The following PPFIA2 variants were observed in gnomAD, a reference collection of about 807,000 sequenced individuals.
PPFIA2 encodes liprin-alpha-2.
A neutral mutation model predicts 175.5 loss-of-function variants in PPFIA2; 46 were observed. The observed-to-expected ratio is 0.26, with a 90% CI of 0.21 to 0.34. The LOEUF (loss-of-function observed/expected upper bound fraction) is 0.34. PPFIA2 is among the 10% of genes least tolerant of loss of function. PPFIA2 has a pLI of 1.00. For missense variants in PPFIA2, 1,179 were observed against 1,506.1 expected, an observed-to-expected ratio of 0.78 and a Z score of 3.60; for synonymous variants, 568 against 511.4, an observed-to-expected ratio of 1.11 and a Z score of -1.49.
rs1448271108 is a variant in PPFIA2 at position 81,353,324 on chromosome 12, C to A, written c.1789G>T (p.Asp597Tyr). ...RDEPKVKSLG[D>Y]HEWNRTQQIG... ...TGTTGAGTTCTATTCCACTCGTGAT[C>A]CCCAAGAGATTTCACCTGAATGGTG... The change falls in exon 17 of 33, where the codon GAT (aspartate) becomes TAT (tyrosine). Residue 597 changes from aspartate (D) to tyrosine (Y), a missense_variant. By Grantham distance (160) the Asp-to-Tyr change is radical. Transcript: ENST00000549396. The A allele has an allele frequency of 6.2e-6, 10 of 1,612,544 alleles. No individual in the cohort carries two copies. Among genetic ancestry groups the A allele is most frequent in the Non-Finnish European group, 7.6e-6 (9 of 1,178,928 alleles).
chr12:81,357,053 T>A (rs1196530321), intron 16 of PPFIA2, among the ~76,000 whole-genome samples: 1 of 152,128 alleles, frequency 6.6e-6, no homozygotes, highest in Non-Finnish European at 1.5e-5. Context: ...AAAAAATTGG[T>A]TTTTATTTTT....
chr12:81,297,266 C>T (rs2046701460), intron 23 of PPFIA2, among the ~76,000 whole-genome samples: 1 of 152,142 alleles, frequency 6.6e-6, no homozygotes, highest in African/African-American at 2.4e-5. Flanking sequence ...AAAGCTATTC[C>T]CAGACTCCTG....
chr12:81,527,808 C>T (rs2063915757), intron 4 of PPFIA2, among the ~76,000 whole-genome samples: 1 of 151,980 alleles, frequency 6.6e-6, no homozygotes, highest in Non-Finnish European at 1.5e-5. Context: ...TTACAGGAGT[C>T]CTAAGAGAGC....
chr12:81,493,476 A>G (rs1016977783), intron 4 of PPFIA2, among the ~76,000 whole-genome samples: 20 of 151,946 alleles, frequency 1.3e-4, no homozygotes, highest in African/African-American at 4.8e-4. Flanking sequence ...TGTTACAAGG[A>G]GGAAGTTACT....
rs5799542 is a variant in PPFIA2, at chr12:81,581,148, C to CTT, written c.303+95641_303+95642dup. Among the ~76,000 whole-genome samples, 508 of 139,540 alleles carry CTT rather than the reference C, an allele frequency of 3.6e-3. 1 individual carries two copies. Among genetic ancestry groups the CTT allele is most frequent in the East Asian group, 0.023 (110 of 4,708 alleles). 91.5% of individuals were successfully genotyped at this position (139,540 alleles called of 152,430 possible). A position where few individuals can be genotyped will look rare whatever the true frequency, so the allele number is the denominator to read the frequency against. On this transcript the variant is annotated intron_variant, in intron 4 of 32. Transcript: ENST00000549396. ...GAGGACTGTACAGATGTCATAGACA[C>CTT]TTTTTTTTTTTTTTTTGGTCTTAAA... is the stretch of plus-strand genomic sequence containing the variant.
rs377596645 is a variant in PPFIA2, at chr12:81,358,237, T to A, written c.1638-20A>T. ...TGAGTTCTGGAAAAAAGGAAAAATA[T>A]AAAATAATCCAATCTCAAAAATTAA... is the stretch of plus-strand genomic sequence containing the variant. On this transcript the variant is annotated intron_variant, in intron 15 of 32. Transcript: ENST00000549396. 1 of 1,551,606 alleles carries A rather than the reference T, an allele frequency of 6.4e-7. No homozygotes were observed. Among genetic ancestry groups the A allele is most frequent in the Non-Finnish European group, 8.7e-7 (1 of 1,148,630 alleles).
intron 28 of PPFIA2, among the ~76,000 whole-genome samples, chr12:81,271,612 T>C (rs1397376192): frequency 3.9e-5 from 6 of 152,182 alleles, no homozygotes; most frequent in Non-Finnish European, 5.9e-5. Context: ...ATTATTTTAG[T>C]AGTGACACTT....
intron 3 of PPFIA2, among the ~76,000 whole-genome samples, chr12:81,710,491 A>T (rs1174293036): frequency 6.6e-6 from 1 of 152,140 alleles, no homozygotes; most frequent in African/African-American, 2.4e-5. Flanking sequence ...GTGACATGTA[A>T]ATGATGTACA....
At chr12:81,584,801 T>C (rs897890463) in intron 4 of PPFIA2, among the ~76,000 whole-genome samples, 2 of 132,420 alleles carry the variant, frequency 1.5e-5, no homozygotes, top group African/African-American at 2.8e-5. Context: ...ATATAATATA[T>C]ATATTTATTA....
intron 4 of PPFIA2, among the ~76,000 whole-genome samples, chr12:81,609,835 T>C (rs912984471): frequency 2.6e-5 from 4 of 152,182 alleles, no homozygotes; most frequent in African/African-American, 9.6e-5. Context: ...CTGGTTGCTA[T>C]GTAGATTTGA....
In PPFIA2 at chr12:81,294,988, G is replaced by T; in HGVS notation, c.2772C>A (p.Asn924Lys). Residue 924 changes from asparagine to lysine, a missense_variant, in exon 24 of 33, where the codon AAC becomes AAA. Transcript: ENST00000549396. ...CAGACATGATGGCACCACTCTTCAC[G>T]TTGGCTCGGCAGGCTGCCACGTACC... ...PAWYVAACRA[N>K]VKSGAIMSAL... is the part of the protein sequence containing the mutation. The T allele has an allele frequency of 6.2e-7, 1 of 1,613,738 alleles. No homozygotes were observed. The highest frequency in any genetic ancestry group is 8.5e-7 in the Non-Finnish European group (1 of 1,179,804).
chr12:81,617,163 T>C (rs887396530), intron 4 of PPFIA2, among the ~76,000 whole-genome samples: 3 of 152,316 alleles, frequency 2.0e-5, no homozygotes, highest in African/African-American at 7.2e-5. Context: ...CTTTATGTCA[T>C]TGCCACCCTA....
At chr12:81,306,394 GA>G (rs1413546449) in intron 22 of PPFIA2, among the ~76,000 whole-genome samples, 1 of 152,092 alleles carries the variant, frequency 6.6e-6, no homozygotes, top group Non-Finnish European at 1.5e-5. Context: ...ACATGAAGCT[GA>G]TAACCCATCT....
At chr12:81,375,588 T>C (rs2036177761) in intron 10 of PPFIA2, 2 of 578,908 alleles carry the variant, frequency 3.5e-6, no homozygotes, top group Non-Finnish European at 6.0e-6. Flanking sequence ...ATCAGAGTCA[T>C]TATTTGTATT....
In PPFIA2 at chr12:81,642,969, A is replaced by T. The variant is rs552174591; in HGVS notation, c.303+33822T>A. On this transcript the variant is annotated intron_variant, in intron 4 of 32. Coordinates refer to ENST00000549396, the MANE Select transcript of PPFIA2 (RefSeq NM_003625.5). ...TAATATATGTAATATACACACATAT[A>T]TAAATTATATATCTCTTATGTGTAT... Among the ~76,000 whole-genome samples, 4 of 33,028 alleles carry T rather than the reference A, an allele frequency of 1.2e-4. No individual in the cohort carries two copies. The East Asian group carries it at 0.01, about 86-fold the overall frequency. 21.7% of individuals were successfully genotyped at this position (33,028 alleles called of 152,430 possible).
intron 4 of PPFIA2, among the ~76,000 whole-genome samples, chr12:81,530,763 AC>A (rs2064417210): frequency 7.8e-6 from 1 of 128,694 alleles, no homozygotes; most frequent in Non-Finnish European, 1.6e-5. Flanking sequence ...AAAAAAAAAA[AC>A]ACATTATATA....
At chr12:81,339,508 G>A (rs572448913) in intron 20 of PPFIA2, among the ~76,000 whole-genome samples, 174 bp from the exon 21 acceptor site, 1 of 151,554 alleles carries the variant, frequency 6.6e-6, no homozygotes, top group African/African-American at 2.4e-5. Context: ...CAGCCTTTGG[G>A]CCCTGAAACT....
intron 4 of PPFIA2, among the ~76,000 whole-genome samples, chr12:81,480,220 T>A (rs1331248664): frequency 1.3e-5 from 2 of 152,140 alleles, no homozygotes. Flanking sequence ...TACTTGTGTA[T>A]GCTTCATGAA....
In PPFIA2 at chr12:81,665,359, A is replaced by G. The variant is rs550276571; in HGVS notation, c.303+11432T>C. On this transcript the variant is annotated intron_variant, in intron 4 of 32. Coordinates refer to ENST00000549396, the MANE Select transcript of PPFIA2 (RefSeq NM_003625.5). ...CAGAATGATTAAACAATATGTTAAG[A>G]TATTTCCAAAATGCTTCCCACATTT... Among the ~76,000 whole-genome samples, 570 of 152,158 alleles carry G rather than the reference A, an allele frequency of 3.7e-3. 7 individuals carry two copies. Among genetic ancestry groups the G allele is most frequent in the African/African-American group, 0.013 (534 of 41,456 alleles).
Sources: gnomAD v4.1 joint callset for allele counts (sites outside exome capture counted in the v4.1 genomes callset) on GRCh38, gnomAD v4.1.1 for gene constraint, MANE v1.5 for transcripts, NCBI Gene and HGNC (gene_info 2026-07-23, HGNC 2026-07-21) for gene names.